Variants in ARID1B observed in about 807,000 individuals in gnomAD.
ARID1B encodes AT-rich interaction domain 1B.
Under a neutral mutation model 212.3 loss-of-function variants are expected in ARID1B, and 30 were observed. The ratio of observed to expected loss-of-function variants is 0.14; its 90% CI spans 0.11 to 0.19. The LOEUF is 0.19. Ranked by LOEUF, ARID1B falls within the 10% of genes least tolerant of loss-of-function variation. ARID1B has a pLI of 1.00. For synonymous variants in ARID1B, 1,402 were observed against 1,301.7 expected, an observed-to-expected ratio of 1.08 and a Z score of -1.66; for missense variants, 2,891 against 3,204.0, an observed-to-expected ratio of 0.90 and a Z score of 2.36.
rs1000673319 is a variant in ARID1B, at chr6:157,094,646, C to A, written c.2491+9741C>A. 6.6e-6 allele frequency among the ~76,000 whole-genome samples: 1 copy of A among 152,114 alleles called. No individual in the cohort carries two copies. Among genetic ancestry groups the A allele is most frequent in the East Asian group, 1.9e-4 (1 of 5,188 alleles). ...CTAGGATTACAGGCGTGAGCCACCG[C>A]GCCTGGCCGATTTAGGAGTTTAAGT... is the stretch of plus-strand genomic sequence containing the variant. On this transcript the variant is annotated intron_variant, in intron 5 of 19. Transcript: ENST00000636930. This position sits in a 1 kb window ranked among gnomAD's most constrained non-coding sequence, Gnocchi z 4.3.
chr6:157,194,131 G>T (rs1417641189), intron 15 of ARID1B: 2 of 152,096 alleles, frequency 1.3e-5, no homozygotes, highest in African/African-American at 4.8e-5. Flanking sequence ...TTTTTCTTTT[G>T]TGAATGTTCA....
chr6:156,971,547 A>G (rs1776925469), intron 4 of ARID1B, among the ~76,000 whole-genome samples: 4 of 152,184 alleles, frequency 2.6e-5, no homozygotes, highest in South Asian at 4.1e-4. Context: ...GCTTAAAACA[A>G]CATCTGTGTA....
intron 13 of ARID1B, among the ~76,000 whole-genome samples, chr6:157,189,047 A>T (rs1793173808): frequency 6.6e-6 from 1 of 152,230 alleles, no homozygotes; most frequent in Admixed American, 6.5e-5. Context: ...TAGGTCAAAA[A>T]GTGACACTAT....
rs747374301 is a variant in ARID1B at position 157,190,120 on chromosome 6, G to A, written c.4141G>A (p.Ala1381Thr). 5.0e-6 allele frequency: 8 copies of A among 1,614,000 alleles called. No individual in the cohort carries two copies. The highest frequency in any genetic ancestry group is 2.2e-5 in the East Asian group (1 of 44,886). The change falls in exon 15 of 20, where the codon GCC becomes ACC. Residue 1381 changes from alanine to threonine, a missense_variant. By Grantham distance (58) the Ala-to-Thr change is moderately conservative. This residue lies in a region of ARID1B where 666 missense variants were observed against 873.5 expected (regional missense o/e 0.76). Coordinates refer to ENST00000636930, the MANE Select transcript of ARID1B (RefSeq NM_001374828.1). The surrounding 1 kb of genome is among the most constrained non-coding windows in gnomAD (Gnocchi z 4.6). ...GAAACGGAACTCCATGACTCCAAAC[G>A]CCCCCTACCAGCAGGGCATGAGCAT... The part of the protein sequence containing the change: ...FPKRNSMTPN[A>T]PYQQGMSMPD...
At chr6:157,087,996 C>T (rs934692098) in intron 5 of ARID1B, among the ~76,000 whole-genome samples, 5 of 152,170 alleles carry the variant, frequency 3.3e-5, no homozygotes, top group Admixed American at 2.0e-4. Context: ...TATGCTAGAC[C>T]GCCTGCCTGC....
chr6:157,104,993 G>T (rs111596978), intron 5 of ARID1B, among the ~76,000 whole-genome samples: 1,970 of 152,288 alleles, frequency 0.013, 52 homozygotes, highest in African/African-American at 0.045. Context: ...TGAAAATAGT[G>T]TGTGCTAGCC....
At chr6:156,827,332 C>T (rs187482737) in intron 1 of ARID1B, among the ~76,000 whole-genome samples, 391 of 152,362 alleles carry the variant, frequency 2.6e-3, no homozygotes, top group Non-Finnish European at 3.3e-3. Flanking sequence ...TGCTGGCTTC[C>T]ATCACTCATT....
chr6:156,909,630 C>T (rs1233070296), intron 3 of ARID1B, among the ~76,000 whole-genome samples: 2 of 152,160 alleles, frequency 1.3e-5, no homozygotes, highest in South Asian at 4.1e-4. Flanking sequence ...AGTTTCTCCT[C>T]CCCAAAATTT....
intron 2 of ARID1B, among the ~76,000 whole-genome samples, chr6:156,837,900 G>T (rs2128074249): frequency 6.6e-6 from 1 of 152,284 alleles, no homozygotes; most frequent in Non-Finnish European, 1.5e-5. Flanking sequence ...GGACGTCCTG[G>T]ATTTGAGATC....
At chr6:157,199,397 C>G (rs1249535589) in intron 17 of ARID1B, among the ~76,000 whole-genome samples, 1 of 151,932 alleles carries the variant, frequency 6.6e-6, no homozygotes, top group Non-Finnish European at 1.5e-5. Flanking sequence ...TTTGCTGGTT[C>G]ACAGGTGACC....
Position 157,110,673 on chromosome 6 carries a change from T to C in ARID1B, c.2581+112T>C, listed in dbSNP as rs184151586. 3 of 1,013,198 alleles carry C rather than the reference T, an allele frequency of 3.0e-6. No homozygotes were observed. The East Asian group carries it at 7.6e-5, about 26-fold the overall frequency. The allele number at this position is 1,013,198 out of a possible 1,614,324, so 62.8% of individuals were successfully genotyped here. On this transcript the variant is annotated intron_variant, in intron 6 of 19. Coordinates refer to ENST00000636930, the MANE Select transcript of ARID1B (RefSeq NM_001374828.1). ...TCATTAATTTTTTTAAAGGATATTA[T>C]GTTTTCTTATCAGACGGAAGAAATA...
chr6:156,777,896 C>T lies in ARID1B; in HGVS notation c.216C>T (p.His72=), dbSNP rs900227420. Residue 72 remains histidine, a synonymous_variant, in exon 1 of 20, where the codon CAC becomes CAT. Coordinates refer to ENST00000636930, the MANE Select transcript of ARID1B (RefSeq NM_001374828.1). The part of the protein sequence containing the change: ...GDGGGGLNSV[H]HHPLLPRHEL... ...GCGGCGGCGGCCTGAACAGTGTGCACCACCACCCCCTGCTCCCCCGTCACG... is the reference window on the plus strand; with the variant it reads ...GCGGCGGCGGCCTGAACAGTGTGCATCACCACCCCCTGCTCCCCCGTCACG... 2 of 1,498,150 alleles carry T rather than the reference C, an allele frequency of 1.3e-6. No individual in the cohort carries two copies. The highest frequency in any genetic ancestry group is 1.8e-6 in the Non-Finnish European group (2 of 1,132,024). The allele number at this position is 1,498,150 out of a possible 1,614,324, so 92.8% of individuals were successfully genotyped here. A position where few individuals can be genotyped will look rare whatever the true frequency, so the allele number is the denominator to read the frequency against.
Position 157,187,010 on chromosome 6 carries a change from G to A in ARID1B, c.3919+2575G>A, listed in dbSNP as rs144870318. On this transcript the variant is annotated intron_variant, in intron 13 of 19. Transcript: ENST00000636930. Reference sequence around the variant, plus strand: ...AAGTGGCTGTGTGGCTTCTCACACCGGATGTCTGGGTTCCTGTCTTCCAGC... The same window carrying A: ...AAGTGGCTGTGTGGCTTCTCACACCAGATGTCTGGGTTCCTGTCTTCCAGC... Among the ~76,000 whole-genome samples, 842 of 152,326 alleles carry A rather than the reference G, an allele frequency of 5.5e-3. 7 individuals carry two copies. Among genetic ancestry groups the A allele is most frequent in the East Asian group, 0.019 (98 of 5,188 alleles).
chr6:157,175,591 T>C (rs1438684516), intron 11 of ARID1B: 2 of 152,236 alleles, frequency 1.3e-5, no homozygotes, highest in African/African-American at 4.8e-5. Flanking sequence ...TTTAATAATG[T>C]GTACCTATGT....
chr6:156,981,083 TC>T (rs1777574084), intron 4 of ARID1B, among the ~76,000 whole-genome samples: 1 of 152,234 alleles, frequency 6.6e-6, no homozygotes, highest in South Asian at 2.1e-4. Context: ...GTATTTCATT[TC>T]TTGAGACTTG....
chr6:156,840,795 G>A lies in ARID1B; in HGVS notation c.1986+11374G>A, dbSNP rs371806831. 3.4e-4 allele frequency among the ~76,000 whole-genome samples: 48 copies of A among 139,586 alleles called. No homozygotes were observed. The East Asian group carries it at 6.1e-3, about 18-fold the overall frequency. 91.6% of individuals were successfully genotyped at this position (139,586 alleles called of 152,430 possible). On this transcript the variant is annotated intron_variant, in intron 2 of 19. Transcript: ENST00000636930. ...CTTGCTGTCTTGCTGTGTCATGTCC[G>A]GGGTCTGTGTTTCTTCCTCTCTGAT...
intron 2 of ARID1B, among the ~76,000 whole-genome samples, chr6:156,877,998 G>C (rs1786700049): frequency 2.0e-5 from 3 of 152,156 alleles, no homozygotes; most frequent in Admixed American, 6.5e-5. Context: ...TTACAGGCGT[G>C]AACCACCGCG....
chr6:157,000,406 G>A (rs1778840787), intron 4 of ARID1B, among the ~76,000 whole-genome samples: 1 of 152,220 alleles, frequency 6.6e-6, no homozygotes, highest in African/African-American at 2.4e-5. Context: ...TGATGGGGAT[G>A]TGAGAACAGT....
chr6:157,053,109 G>A (rs961348178), intron 4 of ARID1B, among the ~76,000 whole-genome samples: 2 of 149,012 alleles, frequency 1.3e-5, no homozygotes, highest in Admixed American at 6.7e-5. Flanking sequence ...ATTTAGGGAC[G>A]GAGTCTCACT....
Sources: gnomAD v4.1 joint callset for allele counts (sites outside exome capture counted in the v4.1 genomes callset) on GRCh38, gnomAD v4.1.1 for gene constraint, gnomAD v4.1.1 regional missense constraint, Gnocchi (gnomAD v3.1) non-coding constraint, MANE v1.5 for transcripts, NCBI Gene and HGNC (gene_info 2026-07-23, HGNC 2026-07-21) for gene names.